The following SLX9 variants were observed in gnomAD, a reference collection of about 807,000 sequenced individuals.
The protein encoded by SLX9 is ribosome biogenesis protein SLX9 homolog.
In SLX9, 19 loss-of-function variants were observed where a neutral mutation model predicts 20.8. That is an observed-to-expected ratio of 0.91 (90% CI 0.64 to 1.34). SLX9 has a LOEUF of 1.34. Ranked by LOEUF, SLX9 falls within the 40% of genes most tolerant of loss-of-function variation. The pLI is 0.00. For missense variants in SLX9, 299 were observed against 322.2 expected, an observed-to-expected ratio of 0.93 and a Z score of 0.55; for synonymous variants, 113 against 137.1, an observed-to-expected ratio of 0.82 and a Z score of 1.23.
At chr21:44,947,040 C>T (rs1326344789) in intron 2 of SLX9, among the ~76,000 whole-genome samples, 1 of 152,224 alleles carries the variant, frequency 6.6e-6, no homozygotes, top group African/African-American at 2.4e-5. Context: ...TATCCAGGCG[C>T]CTCAGTGGGG....
intron 4 of SLX9, 104 bp from the exon 5 acceptor site, chr21:44,973,093 C>A: frequency 4.0e-6 from 5 of 1,261,974 alleles, no homozygotes; most frequent in Non-Finnish European, 5.6e-6. Context: ...TCACCTCTGG[C>A]CACCACGACG....
At chr21:44,972,182 ATCTCACTGTGTGGAC>A (rs2085163216) in intron 4 of SLX9, among the ~76,000 whole-genome samples, 1 of 152,140 alleles carries the variant, frequency 6.6e-6, no homozygotes, top group Admixed American at 6.5e-5. Context: ...TCTGGGTCCC[ATCTCACTGTGTGGAC>A]GGCAGATCTG....
chr21:44,965,403 T>C (rs2085016652), intron 3 of SLX9, among the ~76,000 whole-genome samples: 1 of 152,160 alleles, frequency 6.6e-6, no homozygotes, highest in African/African-American at 2.4e-5. Context: ...GGTGGGATTG[T>C]CGATATTGTG....
intron 3 of SLX9, among the ~76,000 whole-genome samples, chr21:44,965,846 C>T (rs184576191): frequency 1.4e-3 from 214 of 152,282 alleles, no homozygotes; most frequent in Non-Finnish European, 2.3e-3. Flanking sequence ...TGGCCTGGCC[C>T]GCCCCTCCCT....
intron 5 of SLX9, among the ~76,000 whole-genome samples, chr21:44,975,418 C>T (rs1825551105): frequency 1.3e-5 from 2 of 152,206 alleles, no homozygotes; most frequent in African/African-American, 2.4e-5. Context: ...ATGGGAGCCA[C>T]ACAGTGCCAG....
rs2084515890 is a variant in SLX9, at chr21:44,940,265, GGTT to G, written c.129+80_129+82del. On this transcript the variant is annotated intron_variant, in intron 1 of 5. Coordinates refer to ENST00000291634, the MANE Select transcript of SLX9 (RefSeq NM_058190.4). ...AGCTGCGGGGCGCCGCCTCCGGGAG[GGTT>G]CCGCGACCCCGGCCTTCCCTCGGGC... is the stretch of plus-strand genomic sequence containing the variant. 2.5e-6 allele frequency: 3 copies of G among 1,193,484 alleles called. No homozygotes were observed. The East Asian group carries it at 1.1e-4, about 43-fold the overall frequency. The allele number at this position is 1,193,484 out of a possible 1,614,324, so 73.9% of individuals were successfully genotyped here. A position where few individuals can be genotyped will look rare whatever the true frequency, so the allele number is the denominator to read the frequency against.
Position 44,956,720 on chromosome 21 carries a change from A to C in SLX9, c.284-3380A>C, listed in dbSNP as rs560020935. 3.9e-5 allele frequency among the ~76,000 whole-genome samples: 6 copies of C among 152,340 alleles called. No homozygotes were observed. The East Asian group carries it at 1.2e-3, about 29-fold the overall frequency. ...CTCATGCTGATTTTCCTTAGGGTCC[A>C]TCAGAACACGTGCCCCGTGAACCGT... On this transcript the variant is annotated intron_variant, in intron 2 of 5. Coordinates refer to ENST00000291634, the MANE Select transcript of SLX9 (RefSeq NM_058190.4).
chr21:44,958,346 G>A (rs778805595), intron 2 of SLX9: 11 of 152,610 alleles, frequency 7.2e-5, no homozygotes, highest in Non-Finnish European at 1.6e-4. Flanking sequence ...CTCCAAGCTG[G>A]CATTTCTGCT....
At chr21:44,944,106 T>G (rs1199584008) in intron 2 of SLX9, among the ~76,000 whole-genome samples, 1 of 152,250 alleles carries the variant, frequency 6.6e-6, no homozygotes, top group Non-Finnish European at 1.5e-5. Flanking sequence ...TGGGCTTTGG[T>G]GACCAACAGG....
intron 2 of SLX9, among the ~76,000 whole-genome samples, chr21:44,953,155 C>T (rs1281358866): frequency 6.6e-6 from 1 of 152,244 alleles, no homozygotes; most frequent in Non-Finnish European, 1.5e-5. Context: ...TCCTCATTCA[C>T]TCCTCAGACA....
chr21:44,949,923 G>A (rs2084723542), intron 2 of SLX9, among the ~76,000 whole-genome samples: 1 of 152,196 alleles, frequency 6.6e-6, no homozygotes, highest in Non-Finnish European at 1.5e-5. Context: ...CCTCTGCCCT[G>A]GTGATCTGGC....
intron 4 of SLX9, among the ~76,000 whole-genome samples, chr21:44,969,539 G>A (rs972006607): frequency 6.6e-6 from 1 of 152,118 alleles, no homozygotes; most frequent in Non-Finnish European, 1.5e-5. Flanking sequence ...CTCAGATGTG[G>A]CTCAGGCAGC....
At chr21:44,966,740 C>T (rs758972280) in intron 3 of SLX9, among the ~76,000 whole-genome samples, 4 of 152,260 alleles carry the variant, frequency 2.6e-5, no homozygotes, top group Admixed American at 6.5e-5. Flanking sequence ...CACTCCCCTA[C>T]GCGTGCTCCG....
intron 4 of SLX9, among the ~76,000 whole-genome samples, chr21:44,972,591 G>C (rs991778414): frequency 6.6e-6 from 1 of 152,210 alleles, no homozygotes; most frequent in African/African-American, 2.4e-5. Flanking sequence ...CAGGATCTAC[G>C]GTGGGTCCAC....
intron 2 of SLX9, among the ~76,000 whole-genome samples, chr21:44,954,059 G>A (rs1568934333): frequency 6.6e-6 from 1 of 152,100 alleles, no homozygotes; most frequent in African/African-American, 2.4e-5. Flanking sequence ...CGCTGCTCCC[G>A]GGGCACATGC....
At chr21:44,946,362 C>T (rs567144416) in intron 2 of SLX9, among the ~76,000 whole-genome samples, 26 of 152,346 alleles carry the variant, frequency 1.7e-4, no homozygotes, top group Middle Eastern at 3.4e-3. Flanking sequence ...CTGACAGTAG[C>T]GTGGCCCGTT....
intron 4 of SLX9, among the ~76,000 whole-genome samples, chr21:44,970,328 C>T (rs1010097324): frequency 1.1e-4 from 17 of 151,874 alleles, no homozygotes; most frequent in African/African-American, 2.7e-4. Flanking sequence ...ATTTTGGTGC[C>T]GAAACTGTTC....
rs2084858930 is a variant in SLX9 at position 44,956,441 on chromosome 21, T to C, written c.284-3659T>C. ...GTCCCACGATGCATTTCAGCTTGCA[T>C]TCACCCAGAAGGCGTGGCGAGAAGA... is the stretch of plus-strand genomic sequence containing the variant. On this transcript the variant is annotated intron_variant, in intron 2 of 5. Transcript: ENST00000291634. 2.0e-5 allele frequency among the ~76,000 whole-genome samples: 3 copies of C among 152,230 alleles called. No homozygotes were observed. The South Asian group carries it at 6.2e-4, about 31-fold the overall frequency.
intron 2 of SLX9, 107 bp downstream of exon 2, chr21:44,943,944 T>G (rs1208178863): frequency 6.8e-7 from 1 of 1,473,136 alleles, no homozygotes; most frequent in Admixed American, 1.9e-5. Flanking sequence ...TACCTGACAA[T>G]GTCCTTGAGC....
Sources: gnomAD v4.1 joint callset for allele counts (sites outside exome capture counted in the v4.1 genomes callset) on GRCh38, gnomAD v4.1.1 for gene constraint, MANE v1.5 for transcripts, NCBI Gene and HGNC (gene_info 2026-07-23, HGNC 2026-07-21) for gene names.